The following SLC4A10 variants were observed in gnomAD, a reference collection of about 807,000 sequenced individuals.
The protein encoded by SLC4A10 is solute carrier family 4 member 10.
In SLC4A10, 42 loss-of-function variants were observed where a neutral mutation model predicts 137.7. The ratio of observed to expected loss-of-function variants is 0.30; its 90% CI spans 0.24 to 0.39. The LOEUF is 0.39. Ranked by LOEUF, SLC4A10 falls within the 10% of genes least tolerant of loss-of-function variation. The pLI, the probability that SLC4A10 is intolerant of heterozygous loss-of-function variation, is 1.00. For synonymous variants in SLC4A10, 474 were observed against 464.1 expected, an observed-to-expected ratio of 1.02 and a Z score of -0.27; for missense variants, 925 against 1,355.0, an observed-to-expected ratio of 0.68 and a Z score of 4.98.
chr2:161,716,967 A>T (rs1327242054), intron 1 of SLC4A10, among the ~76,000 whole-genome samples: 1 of 152,064 alleles, frequency 6.6e-6, no homozygotes, highest in Non-Finnish European at 1.5e-5. Context: ...GTCATCTCTG[A>T]TTTCCTTGAG....
intron 26 of SLC4A10, among the ~76,000 whole-genome samples, chr2:161,980,578 C>G (rs184287774): frequency 6.6e-6 from 1 of 151,886 alleles, no homozygotes; most frequent in South Asian, 2.1e-4. Context: ...CAACCTGCGA[C>G]GTGGAGGTTG....
intron 2 of SLC4A10, among the ~76,000 whole-genome samples, chr2:161,803,266 C>G (rs562186310): frequency 1.1e-4 from 17 of 152,088 alleles, no homozygotes; most frequent in Admixed American, 9.8e-4. Context: ...GAGACAGTTC[C>G]CATGTATTTC....
intron 2 of SLC4A10, among the ~76,000 whole-genome samples, chr2:161,773,528 T>A (rs1015478134): frequency 5.9e-5 from 9 of 151,910 alleles, no homozygotes; most frequent in Non-Finnish European, 1.3e-4. Context: ...TTTAAAAAAA[T>A]AAACTCTTAA....
At chr2:161,821,690 T>C (rs1425150337) in intron 3 of SLC4A10, among the ~76,000 whole-genome samples, 1 of 152,196 alleles carries the variant, frequency 6.6e-6, no homozygotes, top group South Asian at 2.1e-4. Context: ...TTACATGAAA[T>C]ATGTAATACT....
intron 4 of SLC4A10, among the ~76,000 whole-genome samples, chr2:161,844,635 T>C (rs1260760367): frequency 6.6e-6 from 1 of 152,114 alleles, no homozygotes; most frequent in African/African-American, 2.4e-5. Context: ...AAAGTTAAAC[T>C]GAGTTAGTGA....
At chr2:161,895,199 T>C (rs1370581673) in intron 11 of SLC4A10, among the ~76,000 whole-genome samples, 4 of 152,076 alleles carry the variant, frequency 2.6e-5, no homozygotes, top group Admixed American at 6.6e-5. Flanking sequence ...TTACTGAGAA[T>C]GATGATTTCC....
intron 3 of SLC4A10, among the ~76,000 whole-genome samples, chr2:161,812,994 T>G (rs2125645200): frequency 6.6e-6 from 1 of 152,238 alleles, no homozygotes; most frequent in East Asian, 1.9e-4. Context: ...ATTAATTTCT[T>G]TCTTATTTCA....
intron 4 of SLC4A10, among the ~76,000 whole-genome samples, chr2:161,841,453 T>A (rs1009160515): frequency 6.6e-5 from 10 of 152,192 alleles, no homozygotes; most frequent in African/African-American, 1.9e-4. Context: ...GACTTTATCT[T>A]AAGCATATTT....
chr2:161,720,895 A>G (rs1018259061), intron 1 of SLC4A10, among the ~76,000 whole-genome samples: 1 of 149,640 alleles, frequency 6.7e-6, no homozygotes, highest in Admixed American at 6.7e-5. Flanking sequence ...CAGTGGCATG[A>G]TCTTGGTCAC....
At chr2:161,625,713 C>T (rs2032200682) in intron 1 of SLC4A10, among the ~76,000 whole-genome samples, 1 of 152,018 alleles carries the variant, frequency 6.6e-6, no homozygotes, top group South Asian at 2.1e-4. Flanking sequence ...TCACATGCTG[C>T]AAAAAGATTC....
chr2:161,697,181 A>G (rs990391839), intron 1 of SLC4A10, among the ~76,000 whole-genome samples: 1 of 151,950 alleles, frequency 6.6e-6, no homozygotes, highest in African/African-American at 2.4e-5. Context: ...AATTGGTTTG[A>G]ATTCATTGTA....
At chr2:161,732,330 C>T (rs940714935) in intron 1 of SLC4A10, among the ~76,000 whole-genome samples, 1 of 152,124 alleles carries the variant, frequency 6.6e-6, no homozygotes, top group Non-Finnish European at 1.5e-5. Context: ...GGTTGCCAGC[C>T]ATTAGTTAGC....
intron 15 of SLC4A10, among the ~76,000 whole-genome samples, chr2:161,938,164 G>A (rs1259717657): frequency 2.0e-5 from 3 of 152,040 alleles, no homozygotes; most frequent in Non-Finnish European, 2.9e-5. Flanking sequence ...CTAGCTATTC[G>A]GGAGGCTGAG....
chr2:161,630,212 T>A (rs1214023862), intron 1 of SLC4A10, among the ~76,000 whole-genome samples: 1 of 151,980 alleles, frequency 6.6e-6, no homozygotes, highest in East Asian at 1.9e-4. Flanking sequence ...CAGTTTTTTA[T>A]ACGTTGTCGG....
intron 1 of SLC4A10, among the ~76,000 whole-genome samples, chr2:161,694,315 T>A (rs917621406): frequency 6.6e-6 from 1 of 152,012 alleles, no homozygotes; most frequent in African/African-American, 2.4e-5. Context: ...CTCACATGTT[T>A]GTGCTACTAT....
At chr2:161,824,659 C>G (rs2057893277) in intron 3 of SLC4A10, among the ~76,000 whole-genome samples, 1 of 152,166 alleles carries the variant, frequency 6.6e-6, no homozygotes, top group African/African-American at 2.4e-5. Context: ...AAAACAAATT[C>G]ACATTAGACA....
chr2:161,637,160 C>T (rs747517308), intron 1 of SLC4A10, among the ~76,000 whole-genome samples: 23 of 143,148 alleles, frequency 1.6e-4, no homozygotes, highest in African/African-American at 2.8e-4. Flanking sequence ...TAGATATATA[C>T]GTATATATAC....
At chr2:161,651,713 C>A (rs1296497006) in intron 1 of SLC4A10, among the ~76,000 whole-genome samples, 1 of 152,224 alleles carries the variant, frequency 6.6e-6, no homozygotes, top group Admixed American at 6.5e-5. Flanking sequence ...CTTGTGCCGG[C>A]GCCTGGAGCT....
intron 1 of SLC4A10, among the ~76,000 whole-genome samples, chr2:161,669,102 T>A (rs1202729620): frequency 6.6e-6 from 1 of 151,968 alleles, no homozygotes; most frequent in African/African-American, 2.4e-5. Flanking sequence ...TCATTTGAAA[T>A]GCTAGACACA....
Sources: allele counts gnomAD v4.1 joint callset (sites outside exome capture counted in the v4.1 genomes callset), GRCh38; gene constraint gnomAD v4.1.1; transcripts MANE v1.5; gene names NCBI Gene and HGNC (gene_info 2026-07-23, HGNC 2026-07-21).